The following SLC7A14 variants were observed in gnomAD, a reference collection of about 807,000 sequenced individuals.
SLC7A14 encodes gamma-aminobutyric acid transporter SLC7A14.
Under a neutral mutation model 60.2 loss-of-function variants are expected in SLC7A14, and 37 were observed. The observed-to-expected ratio is 0.61, with a 90% CI of 0.47 to 0.81. The LOEUF (loss-of-function observed/expected upper bound fraction) is 0.81, where lower values mean the gene tolerates loss of function less well. Ranked by LOEUF, SLC7A14 falls within the 30% of genes least tolerant of loss-of-function variation. The pLI, the probability that SLC7A14 is intolerant of heterozygous loss-of-function variation, is 0.00. For synonymous variants in SLC7A14, 399 were observed against 395.8 expected (o/e 1.01, Z -0.10); for missense variants, 886 against 982.7 (o/e 0.90, Z 1.32).
chr3:170,483,374 C>A lies in SLC7A14; in HGVS notation c.1055G>T (p.Gly352Val). The change falls in exon 6 of 8, where the codon GGG becomes GTG. Residue 352 changes from glycine to valine, a missense_variant. Physicochemically the swap from Gly to Val is moderately radical, Grantham distance 109 (BLOSUM62 -3). Coordinates refer to ENST00000231706, the MANE Select transcript of SLC7A14 (RefSeq NM_020949.3). ...SVAGLTVSLL[G>V]SLFPMPRVIY... Reference sequence around the variant, plus strand: ...GACCCTCGGCATCGGGAAGAGGGACCCCAGCAAGCTGACTGTCAGTCCTGC... The same window carrying A: ...GACCCTCGGCATCGGGAAGAGGGACACCAGCAAGCTGACTGTCAGTCCTGC... 6.2e-7 allele frequency: 1 copy of A among 1,614,144 alleles called. No homozygotes were observed. The highest frequency in any genetic ancestry group is 8.5e-7 in the Non-Finnish European group (1 of 1,180,028).
intron 1 of SLC7A14, among the ~76,000 whole-genome samples, chr3:170,530,722 C>T (rs867377384): frequency 6.6e-6 from 1 of 152,186 alleles, no homozygotes; most frequent in Non-Finnish European, 1.5e-5. Flanking sequence ...GGGTGTGGAC[C>T]TGCTGCAGCG....
At chr3:170,494,607 T>G (rs1271288043) in intron 4 of SLC7A14, among the ~76,000 whole-genome samples, 2 of 152,244 alleles carry the variant, frequency 1.3e-5, no homozygotes, top group Admixed American at 1.3e-4. Flanking sequence ...CTCTTTCCAG[T>G]CTTTAAGTGG....
At chr3:170,477,688 T>G (rs1313709411) in intron 7 of SLC7A14, among the ~76,000 whole-genome samples, 1 of 152,256 alleles carries the variant, frequency 6.6e-6, no homozygotes, top group Non-Finnish European at 1.5e-5. Context: ...CAAGTAATAG[T>G]ATTTGTGAAA....
intron 1 of SLC7A14, among the ~76,000 whole-genome samples, chr3:170,556,623 GC>G (rs1236244569): frequency 6.6e-6 from 1 of 152,162 alleles, no homozygotes; most frequent in African/African-American, 2.4e-5. Context: ...AGTTGGATGT[GC>G]AGGGTTTTTC....
chr3:170,545,908 C>T (rs1391104391), intron 1 of SLC7A14, among the ~76,000 whole-genome samples: 1 of 152,182 alleles, frequency 6.6e-6, no homozygotes, highest in Admixed American at 6.5e-5. Flanking sequence ...GGCCAGCAGC[C>T]TCCCAAAAAC....
intron 2 of SLC7A14, among the ~76,000 whole-genome samples, chr3:170,511,338 G>T (rs970878488): frequency 2.0e-5 from 3 of 151,764 alleles, no homozygotes; most frequent in Non-Finnish European, 4.4e-5. Flanking sequence ...TGGAGGTTGC[G>T]GTGAGCCGAG....
At chr3:170,482,194 C>T (rs1217239128) in intron 6 of SLC7A14, among the ~76,000 whole-genome samples, 4 of 152,074 alleles carry the variant, frequency 2.6e-5, no homozygotes, top group Admixed American at 2.0e-4. Context: ...TCTCCTCTCC[C>T]CTCTCCTCCT....
intron 2 of SLC7A14, among the ~76,000 whole-genome samples, chr3:170,517,526 G>A (rs1264036592): frequency 6.6e-6 from 1 of 152,212 alleles, no homozygotes; most frequent in Non-Finnish European, 1.5e-5. Flanking sequence ...TCTTCAATTT[G>A]AGGAGGGAAA....
chr3:170,494,156 C>T (rs939787082), intron 4 of SLC7A14, among the ~76,000 whole-genome samples: 1 of 152,222 alleles, frequency 6.6e-6, no homozygotes, highest in Non-Finnish European at 1.5e-5. Context: ...AGCTCTATTA[C>T]TTACCATCTA....
intron 1 of SLC7A14, among the ~76,000 whole-genome samples, chr3:170,579,504 T>C (rs1715181421): frequency 6.6e-6 from 1 of 152,250 alleles, no homozygotes; most frequent in Non-Finnish European, 1.5e-5. Flanking sequence ...TGGAATATTT[T>C]GCCTTTGGCA....
chr3:170,536,411 G>A (rs1165501534), intron 1 of SLC7A14, among the ~76,000 whole-genome samples: 2 of 152,142 alleles, frequency 1.3e-5, no homozygotes, highest in Non-Finnish European at 2.9e-5. Context: ...ATTTTTTCTG[G>A]TTCATATTTG....
In SLC7A14 at chr3:170,501,353, GGACA is replaced by G; in HGVS notation, c.305-12_305-9del. On this transcript the variant is annotated splice_polypyrimidine_tract_variant and intron_variant, in intron 2 of 7. Transcript: ENST00000231706. ...ACTCTGCATAGCAGACGCCTGCAAG[GGACA>G]GACATACACAGATGGTGGACTTCAG... The G allele has an allele frequency of 6.2e-7, 1 of 1,612,348 alleles. No individual in the cohort carries two copies. Among genetic ancestry groups the G allele is most frequent in the Middle Eastern group, 1.7e-4 (1 of 6,048 alleles).
chr3:170,560,051 A>G (rs1032853044), intron 1 of SLC7A14, among the ~76,000 whole-genome samples: 13 of 152,230 alleles, frequency 8.5e-5, no homozygotes, highest in Non-Finnish European at 5.9e-5. Context: ...GAATAATCCC[A>G]ATCAAATTCC....
chr3:170,517,397 C>G (rs1311262414), intron 2 of SLC7A14, among the ~76,000 whole-genome samples: 1 of 152,184 alleles, frequency 6.6e-6, no homozygotes, highest in African/African-American at 2.4e-5. Flanking sequence ...GTGTTGTTAA[C>G]AGCAGTTTCC....
rs1397293766 is a variant in SLC7A14 at position 170,462,197 on chromosome 3, T to C, written c.*4858A>G. The C allele has an allele frequency of 6.6e-6, 1 of 152,202 alleles. No homozygotes were observed. Among genetic ancestry groups the C allele is most frequent in the Non-Finnish European group, 1.5e-5 (1 of 68,032 alleles). 9.4% of individuals were successfully genotyped at this position (152,202 alleles called of 1,614,324 possible). A position where few individuals can be genotyped will look rare whatever the true frequency, so the allele number is the denominator to read the frequency against. ...ATCTTGGGCCCCTGGTAAAACCTAG[T>C]GCGAAAGGGGACGGCAATTTTCTCC... is the stretch of plus-strand genomic sequence containing the variant. On this transcript the variant is annotated 3_prime_UTR_variant, in exon 8 of 8. Transcript: ENST00000231706.
At chr3:170,542,340 C>T (rs751169735) in intron 1 of SLC7A14, among the ~76,000 whole-genome samples, 2 of 152,126 alleles carry the variant, frequency 1.3e-5, no homozygotes, top group African/African-American at 2.4e-5. Flanking sequence ...CATGGACTGT[C>T]CTAAGAATTC....
At position 170,467,247 on chromosome 3, in the gene SLC7A14, G is replaced by A. The variant is rs764684982; in HGVS notation, c.2124C>T (p.Phe708=). ...GGCTCTCGCCCTCTGTGGCGTAGGA[G>A]AAACCCTCCTCCACTGAGAAGGGGT... ...VDDPFSVEEG[F]SYATEGESQE... Residue 708 remains phenylalanine, a synonymous_variant, in exon 8 of 8, where the codon TTC becomes TTT. Transcript: ENST00000231706. 1 of 1,614,250 alleles carries A rather than the reference G, an allele frequency of 6.2e-7. No homozygotes were observed. The highest frequency in any genetic ancestry group is 1.1e-5 in the South Asian group (1 of 91,092).
chr3:170,559,383 C>G (rs1434907689), intron 1 of SLC7A14, among the ~76,000 whole-genome samples: 1 of 152,190 alleles, frequency 6.6e-6, no homozygotes, highest in South Asian at 2.1e-4. Flanking sequence ...GATTTTGTTA[C>G]TATAAAAATA....
intron 1 of SLC7A14, among the ~76,000 whole-genome samples, chr3:170,540,448 G>C (rs906812647): frequency 2.0e-5 from 3 of 151,404 alleles, no homozygotes; most frequent in Non-Finnish European, 2.9e-5. Context: ...TTGATTTTTA[G>C]TTTGCTTCTT....
Sources: gnomAD v4.1 joint callset for allele counts (sites outside exome capture counted in the v4.1 genomes callset) on GRCh38, gnomAD v4.1.1 for gene constraint, MANE v1.5 for transcripts, NCBI Gene and HGNC (gene_info 2026-07-23, HGNC 2026-07-21) for gene names.